MKLN1: variants seen among roughly 807,000 people sequenced by gnomAD.
The protein encoded by MKLN1 is muskelin 1, also known as muskelin.
MKLN1 carries 18 observed loss-of-function variants against 99.0 expected under a neutral mutation model. The observed-to-expected ratio is 0.18, with a 90% confidence interval of 0.13 to 0.27. The LOEUF (loss-of-function observed/expected upper bound fraction) is 0.27. Ranked by LOEUF, MKLN1 falls within the 10% of genes least tolerant of loss-of-function variation. The probability of loss-of-function intolerance (pLI) is 1.00; values close to 1 mark genes in which losing one functional copy is unlikely to be tolerated. For synonymous variants in MKLN1, 288 were observed against 293.2 expected, an observed-to-expected ratio of 0.98 and a Z score of 0.18; for missense variants, 621 against 875.9, an observed-to-expected ratio of 0.71 and a Z score of 3.67.
chr7:131,257,502 C>T (rs2116528711), intron 3 of MKLN1, among the ~76,000 whole-genome samples: 1 of 152,310 alleles, frequency 6.6e-6, no homozygotes, highest in Admixed American at 6.5e-5. Context: ...TGGCCTAGAC[C>T]TCATAGCCAA....
At chr7:131,270,259 G>A (rs1316292840) in intron 3 of MKLN1, among the ~76,000 whole-genome samples, 1 of 151,800 alleles carries the variant, frequency 6.6e-6, no homozygotes, top group Admixed American at 6.6e-5. Context: ...ATCTCACTTT[G>A]TTGCCCAGGC....
chr7:131,285,753 G>C (rs1798121428), intron 3 of MKLN1, among the ~76,000 whole-genome samples: 1 of 152,154 alleles, frequency 6.6e-6, no homozygotes, highest in Non-Finnish European at 1.5e-5. Context: ...GAATGCCCTT[G>C]ACTTCACCTC....
At chr7:131,244,212 G>A (rs1797451331) in intron 3 of MKLN1, among the ~76,000 whole-genome samples, 1 of 152,142 alleles carries the variant, frequency 6.6e-6, no homozygotes, top group African/African-American at 2.4e-5. Context: ...AAGAGCAGGT[G>A]GGTGTCACTA....
intron 3 of MKLN1, among the ~76,000 whole-genome samples, chr7:131,243,752 G>A (rs191893760): frequency 1.0e-3 from 159 of 152,258 alleles, no homozygotes; most frequent in African/African-American, 3.6e-3. Context: ...GGTAGCTCAC[G>A]TCTGTAATCC....
chr7:131,369,481 T>C (rs1800280326), intron 1 of MKLN1, among the ~76,000 whole-genome samples: 3 of 152,218 alleles, frequency 2.0e-5, no homozygotes, highest in African/African-American at 7.2e-5. Context: ...AAATTTTTTT[T>C]GGTCATAGTT....
intron 2 of MKLN1, among the ~76,000 whole-genome samples, chr7:131,156,463 A>G (rs886361423): frequency 6.6e-6 from 1 of 151,130 alleles, no homozygotes; most frequent in Non-Finnish European, 1.5e-5. Flanking sequence ...AAAAAAAAAA[A>G]AAAAAAAGAA....
chr7:131,220,433 G>A (rs939950266), intron 3 of MKLN1, among the ~76,000 whole-genome samples: 1 of 120,604 alleles, frequency 8.3e-6, no homozygotes, highest in Admixed American at 9.7e-5. Context: ...ACCGTAATAG[G>A]TTCATTGCCC....
chr7:131,140,412 G>T (rs1795713171), intron 1 of MKLN1, among the ~76,000 whole-genome samples: 3 of 152,124 alleles, frequency 2.0e-5, no homozygotes, highest in Admixed American at 2.0e-4. Flanking sequence ...CAGCATTGGA[G>T]GTGGGGCCTG....
At chr7:131,190,142 G>A (rs977340682) in intron 2 of MKLN1, among the ~76,000 whole-genome samples, 6 of 151,956 alleles carry the variant, frequency 3.9e-5, no homozygotes, top group Non-Finnish European at 8.8e-5. Context: ...CTTAAAAAAC[G>A]AAAAACCTGC....
chr7:131,462,272 C>T (rs1280531854), intron 12 of MKLN1, among the ~76,000 whole-genome samples: 1 of 152,094 alleles, frequency 6.6e-6, no homozygotes, highest in Non-Finnish European at 1.5e-5. Flanking sequence ...TCATATGATC[C>T]TCCCACCTTG....
chr7:131,319,635 GA>G (rs2116658099), intron 3 of MKLN1, among the ~76,000 whole-genome samples: 1 of 152,270 alleles, frequency 6.6e-6, no homozygotes, highest in Admixed American at 6.5e-5. Context: ...TATTCAAATA[GA>G]AAGAGAGGAA....
chr7:131,485,304 C>T (rs181233832), intron 17 of MKLN1, among the ~76,000 whole-genome samples: 2 of 151,952 alleles, frequency 1.3e-5, no homozygotes, highest in African/African-American at 2.4e-5. Context: ...CACAGTGATG[C>T]GAACAAATAA....
At chr7:131,156,438 ACT>A (rs1192944299) in intron 2 of MKLN1, among the ~76,000 whole-genome samples, 3 of 113,390 alleles carry the variant, frequency 2.6e-5, no homozygotes, top group Non-Finnish European at 5.1e-5. Flanking sequence ...ACAGAGCAAG[ACT>A]CTGTCTCAAA....
intron 3 of MKLN1, among the ~76,000 whole-genome samples, chr7:131,251,870 T>C (rs1797586272): frequency 6.6e-6 from 1 of 151,838 alleles, no homozygotes; most frequent in Non-Finnish European, 1.5e-5. Context: ...TTTGTAGAGA[T>C]GTTTTGCCAT....
chr7:131,373,523 C>G (rs1252432354), intron 1 of MKLN1, among the ~76,000 whole-genome samples: 1 of 151,962 alleles, frequency 6.6e-6, no homozygotes, highest in Non-Finnish European at 1.5e-5. Context: ...TAAAAAAATT[C>G]ATTAATCTAT....
intron 3 of MKLN1, among the ~76,000 whole-genome samples, chr7:131,320,667 T>G (rs1283893028): frequency 2.6e-5 from 4 of 152,130 alleles, no homozygotes; most frequent in Non-Finnish European, 1.5e-5. Context: ...AGAAAAATTT[T>G]GCAATCTACC....
chr7:131,441,838 G>C (rs1795849761), intron 10 of MKLN1, among the ~76,000 whole-genome samples: 1 of 152,156 alleles, frequency 6.6e-6, no homozygotes, highest in Admixed American at 6.5e-5. Context: ...GAATCTGTGA[G>C]TTAATAAAAA....
At chr7:131,339,798 A>G (rs999825421) in intron 1 of MKLN1, among the ~76,000 whole-genome samples, 2 of 152,066 alleles carry the variant, frequency 1.3e-5, no homozygotes, top group Non-Finnish European at 2.9e-5. Flanking sequence ...TAGGACTTTT[A>G]TGGAATCTTA....
chr7:131,244,033 A>T (rs1349956309), intron 3 of MKLN1, among the ~76,000 whole-genome samples: 2 of 152,070 alleles, frequency 1.3e-5, no homozygotes, highest in African/African-American at 4.8e-5. Flanking sequence ...ACAAACAAAA[A>T]ATATGGTTGG....
Sources: allele counts gnomAD v4.1 joint callset (sites outside exome capture counted in the v4.1 genomes callset), GRCh38; gene constraint gnomAD v4.1.1; transcripts MANE v1.5; gene names NCBI Gene and HGNC (gene_info 2026-07-23, HGNC 2026-07-21).